Variants in RAB40C observed in about 807,000 individuals in gnomAD.
RAB40C encodes RAB40C, member RAS oncogene family.
Under a neutral mutation model 28.1 loss-of-function variants are expected in RAB40C, and 8 were observed. The observed-to-expected ratio is 0.28, with a 90% CI of 0.17 to 0.51. The LOEUF is 0.51. Among genes scored for constraint, RAB40C ranks in the 20% least tolerant of loss-of-function variants. RAB40C has a pLI of 0.97. For synonymous variants in RAB40C, 201 were observed against 171.7 expected (o/e 1.17, Z -1.34); for missense variants, 288 against 405.9 (o/e 0.71, Z 2.50).
At chr16:617,605 G>T (rs907232135) in intron 2 of RAB40C, among the ~76,000 whole-genome samples, 5 of 147,966 alleles carry the variant, frequency 3.4e-5, no homozygotes, top group African/African-American at 1.2e-4. Flanking sequence ...CACTTTGGGA[G>T]GCCGAGGCAG....
rs1417398862 is a variant in RAB40C at position 610,106 on chromosome 16, G to T, written c.143-7102G>T. On this transcript the variant is annotated intron_variant, in intron 1 of 5. Transcript: ENST00000248139. The surrounding 1 kb of genome is among the most constrained non-coding windows in gnomAD (Gnocchi z 4.6). ...GCTGGGAGTCCGCTTGCTGAGACTT[G>T]GTCTCCTGTAGCTGGTGGGGAAGCG... 6.6e-6 allele frequency among the ~76,000 whole-genome samples: 1 copy of T among 152,178 alleles called. No homozygotes were observed. The highest frequency in any genetic ancestry group is 2.4e-5 in the African/African-American group (1 of 41,428).
intron 5 of RAB40C, among the ~76,000 whole-genome samples, chr16:627,124 G>C (rs1472002666): frequency 1.3e-5 from 2 of 152,210 alleles, no homozygotes; most frequent in East Asian, 1.9e-4. Context: ...ACCGCCCAGC[G>C]TGCCTGGCTT....
intron 1 of RAB40C, among the ~76,000 whole-genome samples, chr16:598,422 G>A (rs1474811601): frequency 2.0e-5 from 3 of 150,978 alleles, no homozygotes; most frequent in Non-Finnish European, 2.9e-5. Context: ...TTAGCCGGGC[G>A]TGGTGGCGCA....
chr16:592,718 G>C (rs2036029073), intron 1 of RAB40C, among the ~76,000 whole-genome samples: 1 of 152,274 alleles, frequency 6.6e-6, no homozygotes, highest in Admixed American at 6.5e-5. Context: ...AGCACGGGAA[G>C]GATTGGGTTT....
chr16:624,886 A>C (rs1168742435), intron 3 of RAB40C: 1 of 985,354 alleles, frequency 1.0e-6, no homozygotes, highest in Non-Finnish European at 1.2e-6. Flanking sequence ...GCTGAGCTCC[A>C]AGTAATTGGT....
intron 3 of RAB40C, among the ~76,000 whole-genome samples, chr16:623,095 G>C (rs1452710466): frequency 6.6e-6 from 1 of 152,182 alleles, no homozygotes; most frequent in African/African-American, 2.4e-5. Context: ...AGGAAGTGGG[G>C]GCCCGCTCAG....
At chr16:597,324 G>C (rs1325527735) in intron 1 of RAB40C, among the ~76,000 whole-genome samples, 1 of 152,050 alleles carries the variant, frequency 6.6e-6, no homozygotes, top group African/African-American at 2.4e-5. Context: ...CTCGGCCCCT[G>C]AGCAGCCTTC....
At chr16:596,906 T>G (rs903969625) in intron 1 of RAB40C, among the ~76,000 whole-genome samples, 2 of 152,172 alleles carry the variant, frequency 1.3e-5, no homozygotes, top group African/African-American at 4.8e-5. Flanking sequence ...CGGCGCACTC[T>G]GATACAGGCA....
In RAB40C at chr16:590,430, A is replaced by G; in HGVS notation, c.139A>G (p.Asn47Asp). The G allele has an allele frequency of 6.3e-7, 1 of 1,586,130 alleles. No homozygotes were observed. Among genetic ancestry groups the G allele is most frequent in the East Asian group, 2.4e-5 (1 of 41,912 alleles). Residue 47 changes from asparagine to aspartate, a missense_variant, in exon 1 of 6, where the codon AAC (asparagine) becomes GAC (aspartate). By Grantham distance (23) the Asn-to-Asp change is conservative (BLOSUM62 1). Transcript: ENST00000248139. ...GGCAGAGTCCCCGTACGCCTACAGT[A>G]ACGGTAAGGCCCGGCCCGCGGCGCG... ...GAAESPYAYSNGIDYKTTTIL... is the reference protein window; with the variant it reads ...GAAESPYAYSDGIDYKTTTIL...
chr16:613,861 A>G (rs1342366828), intron 1 of RAB40C, among the ~76,000 whole-genome samples: 3 of 152,072 alleles, frequency 2.0e-5, no homozygotes, highest in South Asian at 2.1e-4. Flanking sequence ...GGTGACGTGC[A>G]TAGCCCTGGA....
chr16:622,424 G>A (rs2036738959), intron 3 of RAB40C, among the ~76,000 whole-genome samples: 1 of 152,212 alleles, frequency 6.6e-6, no homozygotes, highest in Non-Finnish European at 1.5e-5. Flanking sequence ...AGACGCTGAG[G>A]AAACTGACTG....
chr16:605,608 T>A (rs1350601262), intron 1 of RAB40C, among the ~76,000 whole-genome samples: 2 of 152,192 alleles, frequency 1.3e-5, no homozygotes, highest in Non-Finnish European at 2.9e-5. Context: ...TGGGTGAGCT[T>A]CGGCCACGTG....
chr16:597,910 G>C (rs2036163963), intron 1 of RAB40C, among the ~76,000 whole-genome samples: 1 of 138,294 alleles, frequency 7.2e-6, no homozygotes, highest in Non-Finnish European at 1.5e-5. Context: ...AGGCCAGCCT[G>C]GGCAACACAG....
At chr16:593,907 C>T (rs762079003) in intron 1 of RAB40C, among the ~76,000 whole-genome samples, 9 of 152,186 alleles carry the variant, frequency 5.9e-5, no homozygotes, top group African/African-American at 1.7e-4. Context: ...GCGAGTTACC[C>T]GGCAGGAATT....
At chr16:604,724 C>G (rs2036325168) in intron 1 of RAB40C, among the ~76,000 whole-genome samples, 1 of 152,204 alleles carries the variant, frequency 6.6e-6, no homozygotes, top group African/African-American at 2.4e-5. Context: ...CTTGCCCAGC[C>G]TGGGCAACAT....
intron 3 of RAB40C, 112 bp from the exon 4 acceptor site, chr16:625,320 T>C (rs1188150994): frequency 1.0e-5 from 15 of 1,499,636 alleles, no homozygotes; most frequent in Non-Finnish European, 1.4e-5. Flanking sequence ...CGCCAAGTAA[T>C]AAGCATCCTT....
At chr16:593,382 C>T (rs998764421) in intron 1 of RAB40C, among the ~76,000 whole-genome samples, 2 of 152,258 alleles carry the variant, frequency 1.3e-5, no homozygotes, top group South Asian at 2.1e-4. Context: ...GTGGGAAGGA[C>T]GTACGTGTTA....
rs2036628643 is a variant in RAB40C, at chr16:618,181, C to A, written c.204-19C>A. 2 of 1,610,610 alleles carry A rather than the reference C, an allele frequency of 1.2e-6. No homozygotes were observed. The highest frequency in any genetic ancestry group is 2.7e-5 in the African/African-American group (2 of 74,736). On this transcript the variant is annotated intron_variant, in intron 2 of 5. Coordinates refer to ENST00000248139, the MANE Select transcript of RAB40C (RefSeq NM_021168.5). ...ACAGGGACCACAGTCCCGGCCCCTC[C>A]CCTCCCCGTATGTTTCAGGGACACG...
intron 1 of RAB40C, among the ~76,000 whole-genome samples, chr16:605,254 C>G (rs1008509325): frequency 6.6e-6 from 1 of 152,144 alleles, no homozygotes; most frequent in Non-Finnish European, 1.5e-5. Context: ...TCAAGCAGCC[C>G]CATTGTTTCA....
Sources: gnomAD v4.1 joint callset for allele counts (sites outside exome capture counted in the v4.1 genomes callset) on GRCh38, gnomAD v4.1.1 for gene constraint, Gnocchi (gnomAD v3.1) non-coding constraint, MANE v1.5 for transcripts, NCBI Gene and HGNC (gene_info 2026-07-23, HGNC 2026-07-21) for gene names.